The following NUMA1 variants were observed in gnomAD, a reference collection of about 807,000 sequenced individuals.
The protein encoded by NUMA1 is SP-H antigen.
NUMA1 carries 62 observed loss-of-function variants against 237.1 expected under a neutral mutation model. The observed-to-expected ratio is 0.26, with a 90% CI of 0.21 to 0.32. The LOEUF (loss-of-function observed/expected upper bound fraction) is 0.32. Among genes scored for constraint, NUMA1 ranks in the 10% least tolerant of loss-of-function variants. The probability of loss-of-function intolerance (pLI) is 1.00; values close to 1 mark genes in which losing one functional copy is unlikely to be tolerated. For synonymous variants in NUMA1, 1,028 were observed against 1,066.1 expected, an observed-to-expected ratio of 0.96 and a Z score of 0.70; for missense variants, 2,533 against 2,666.5, an observed-to-expected ratio of 0.95 and a Z score of 1.10.
At chr11:72,060,824 ATTTTG>A (rs2136156864) in intron 2 of NUMA1, among the ~76,000 whole-genome samples, 1 of 152,318 alleles carries the variant, frequency 6.6e-6, no homozygotes, top group East Asian at 1.9e-4. Context: ...TAATCCCAGC[ATTTTG>A]GGAGGCCGAG....
At chr11:72,056,655 A>AAAAAAAAAAAAAAAAAAAAAAC in intron 2 of NUMA1, among the ~76,000 whole-genome samples, 1 of 129,072 alleles carries the variant, frequency 7.7e-6, no homozygotes, top group Non-Finnish European at 1.7e-5. Flanking sequence ...AAAAAAAAAA[A>AAAAAAAAAAAAAAAAAAAAAAC]AAAAAGGCAA....
Position 72,014,047 on chromosome 11 carries a change from A to C in NUMA1, c.3456T>G (p.Ala1152=), listed in dbSNP as rs1197442624. 6.2e-7 allele frequency: 1 copy of C among 1,610,914 alleles called. No homozygotes were observed. ...CCCGCTCAGCCCGGGAGGCCCGCTC[A>C]GCCTCGAGGCTGCGTTCCAGGCTGT... ...QADSLERSLE[A]ERASRAERDS... Residue 1152 remains alanine, a synonymous_variant, in exon 15 of 27, where the codon GCT becomes GCG. Coordinates refer to ENST00000393695, the MANE Select transcript of NUMA1 (RefSeq NM_006185.4). The surrounding 1 kb of genome is among the most constrained non-coding windows in gnomAD (Gnocchi z 4.6).
Position 72,007,358 on chromosome 11 carries a change from G to T in NUMA1, c.5294C>A (p.Pro1765His), listed in dbSNP as rs780948667. 15 of 1,613,632 alleles carry T rather than the reference G, an allele frequency of 9.3e-6. 1 individual carries two copies. The highest frequency in any genetic ancestry group is 8.8e-5 in the South Asian group (8 of 91,070). The change falls in exon 21 of 27, where the codon CCC (proline) becomes CAC (histidine). Residue 1765 changes from proline to histidine, a missense_variant. By Grantham distance (77) the Pro-to-His change is moderately conservative (BLOSUM62 -2). Around this residue, in one of 3 missense-constraint regions of NUMA1, gnomAD observed 795 missense variants for 750.8 expected, o/e 1.06. Coordinates refer to ENST00000393695, the MANE Select transcript of NUMA1 (RefSeq NM_006185.4). ...GAGACTCTCCAGGGATTCTACCTTGGGGGGCAGGCGCTGGGAGATAGGTGA... is the reference window on the plus strand; with the variant it reads ...GAGACTCTCCAGGGATTCTACCTTGTGGGGCAGGCGCTGGGAGATAGGTGA... ...PASPISQRLP[P>H]KVESLESLYF... is the part of the protein sequence containing the mutation.
Position 72,014,178 on chromosome 11 carries a change from A to G in NUMA1, c.3325T>C (p.Ser1109Pro). 6.2e-7 allele frequency: 1 copy of G among 1,613,828 alleles called. No homozygotes were observed. The highest frequency in any genetic ancestry group is 1.1e-5 in the South Asian group (1 of 91,082). ...GGCTCTGTCCTGCCAGCAGCCTCAG[A>G]TTGGGCTCCTGAGCCAGATGCGTGC... ...KEHASGSGAQ[S>P]EAAGRTEPTG... The change falls in exon 15 of 27, where the codon TCT becomes CCT. Residue 1109 changes from serine to proline, a missense_variant. By Grantham distance (74) the Ser-to-Pro change is moderately conservative. This residue lies in a region of NUMA1 where 1,414 missense variants were observed against 1,508.1 expected (regional missense o/e 0.94). Transcript: ENST00000393695. The surrounding 1 kb of genome is among the most constrained non-coding windows in gnomAD (Gnocchi z 4.6).
chr11:72,054,638 G>C (rs1432053859), intron 2 of NUMA1, among the ~76,000 whole-genome samples: 1 of 152,120 alleles, frequency 6.6e-6, no homozygotes, highest in East Asian at 1.9e-4. Flanking sequence ...CTAATAAGTA[G>C]CAGAATTAAG....
At chr11:72,065,924 G>A (rs1943175495) in intron 2 of NUMA1, 1 of 152,226 alleles carries the variant, frequency 6.6e-6, no homozygotes, top group South Asian at 2.1e-4. Flanking sequence ...TCTCAAACAT[G>A]AGATGCCTGA....
intron 20 of NUMA1, 123 bp downstream of exon 20, chr11:72,008,565 C>T (rs757629660): frequency 1.3e-5 from 15 of 1,133,684 alleles, no homozygotes; most frequent in Admixed American, 7.7e-5. Flanking sequence ...GTATAATACC[C>T]GTTTTTCGTT....
At position 72,003,297 on chromosome 11, in the gene NUMA1, A is replaced by T. The variant is rs1955386103; in HGVS notation, c.*230T>A. ...GCTTTAAGAAAAAAGGAGGCAAGGT[A>T]GGGAGAGCGCCCACACTGTCCATGC... On this transcript the variant is annotated 3_prime_UTR_variant, in exon 27 of 27. Transcript: ENST00000393695. The T allele has an allele frequency of 3.6e-6, 2 of 561,168 alleles. No homozygotes were observed. The highest frequency in any genetic ancestry group is 3.1e-5 in the Admixed American group (1 of 32,092). 34.8% of individuals were successfully genotyped at this position (561,168 alleles called of 1,614,324 possible).
intron 3 of NUMA1, among the ~76,000 whole-genome samples, chr11:72,035,382 T>C (rs1940888699): frequency 6.6e-6 from 1 of 151,798 alleles, no homozygotes; most frequent in African/African-American, 2.4e-5. Flanking sequence ...TGTTGATCAT[T>C]AAGGTCAGCA....
chr11:72,058,966 A>C (rs1196898211), intron 2 of NUMA1, among the ~76,000 whole-genome samples: 1 of 152,214 alleles, frequency 6.6e-6, no homozygotes, highest in Non-Finnish European at 1.5e-5. Context: ...GAAGGAATAC[A>C]TTATCACTGT....
At chr11:72,021,161 A>G (rs760118650) in intron 8 of NUMA1, 43 bp downstream of exon 8, 2 of 1,472,214 alleles carry the variant, frequency 1.4e-6, no homozygotes, top group African/African-American at 1.4e-5. Flanking sequence ...AGTATTCCCC[A>G]TTTCAGAGAT....
intron 4 of NUMA1, among the ~76,000 whole-genome samples, chr11:72,027,392 T>A (rs765288784): frequency 1.2e-4 from 18 of 151,456 alleles, no homozygotes; most frequent in Admixed American, 2.0e-4. Context: ...TTACAGGTGG[T>A]ACACAACCCC....
At chr11:72,003,737 GGA>G (rs1955437122) in intron 26 of NUMA1, 148 bp downstream of exon 26, 4 of 1,010,506 alleles carry the variant, frequency 4.0e-6, no homozygotes, top group Admixed American at 2.2e-5. Flanking sequence ...TTCTCTCCTT[GGA>G]GAGGAGCTAC....
intron 3 of NUMA1, among the ~76,000 whole-genome samples, chr11:72,030,268 C>T (rs116600961): frequency 0.023 from 3,449 of 148,120 alleles, 130 homozygotes; most frequent in African/African-American, 0.082. Flanking sequence ...CCAGGGAGGT[C>T]GAGGCTGCAG....
intron 2 of NUMA1, among the ~76,000 whole-genome samples, chr11:72,061,114 G>A (rs35422431): frequency 0.023 from 3,521 of 152,308 alleles, 62 homozygotes; most frequent in Middle Eastern, 0.037. Context: ...CTGTGTGCCT[G>A]TAGTTCCAGC....
intron 2 of NUMA1, among the ~76,000 whole-genome samples, chr11:72,044,627 A>G (rs1941888484): frequency 6.7e-6 from 1 of 148,580 alleles, no homozygotes; most frequent in African/African-American, 2.5e-5. Context: ...GTTAGATTGT[A>G]GGGAACATTC....
At position 72,015,315 on chromosome 11, in the gene NUMA1, C is replaced by G. The variant is rs751886649; in HGVS notation, c.2188G>C (p.Glu730Gln). 14 of 1,613,460 alleles carry G rather than the reference C, an allele frequency of 8.7e-6. No homozygotes were observed. In the Admixed American group the frequency reaches 1.3e-4, roughly 15 times the overall value. The part of the protein sequence containing the change: ...EEKRRAADAL[E>Q]EQQRCISELK... Reference sequence around the variant, plus strand: ...TCAGAGATACAACGCTGCTGCTCTTCCAGGGCATCTGCAGCCCTGCGCTTC... The same window carrying G: ...TCAGAGATACAACGCTGCTGCTCTTGCAGGGCATCTGCAGCCCTGCGCTTC... Residue 730 changes from glutamate to glutamine, a missense_variant, in exon 15 of 27, where the codon GAA (glutamate) becomes CAA (glutamine). Around this residue, in one of 3 missense-constraint regions of NUMA1, gnomAD observed 1,414 missense variants for 1,508.1 expected, o/e 0.94. Coordinates refer to ENST00000393695, the MANE Select transcript of NUMA1 (RefSeq NM_006185.4). This position sits in a 1 kb window ranked among gnomAD's most constrained non-coding sequence, Gnocchi z 4.0.
In NUMA1 at chr11:72,005,256, T is replaced by C. The variant is rs1240527438; in HGVS notation, c.5806A>G (p.Thr1936Ala). Residue 1936 changes from threonine to alanine, a missense_variant, in exon 23 of 27, where the codon ACC becomes GCC. Thr to Ala is a moderately conservative substitution (Grantham distance 58). Transcript: ENST00000393695. Reference protein sequence around the residue: ...RNRVCPPHLKTCYPLESRPSL... With the variant: ...RNRVCPPHLKACYPLESRPSL... The stretch of plus-strand genomic sequence containing the variant: ...ACCCTGGACTCCAGGGGATAGCAGG[T>C]CTTCAGATGTGGGGGGCACACTCGA... 1.2e-6 allele frequency: 2 copies of C among 1,602,326 alleles called. No individual in the cohort carries two copies. The highest frequency in any genetic ancestry group is 1.7e-6 in the Non-Finnish European group (2 of 1,175,160).
chr11:72,014,415 G>T lies in NUMA1; in HGVS notation c.3088C>A (p.Leu1030Ile), dbSNP rs1279029669. ...AGGGCGTTCTGCAGCCGCATCTCAA[G>T]CTCTGCTCTGGCCGCCTTCTCCAGG... is the stretch of plus-strand genomic sequence containing the variant. Reference protein sequence around the residue: ...LALEKAARAELEMRLQNALNE... With the variant: ...LALEKAARAEIEMRLQNALNE... Residue 1030 changes from leucine (L) to isoleucine (I), a missense_variant, in exon 15 of 27, where the codon CTT becomes ATT. Transcript: ENST00000393695. This position sits in a 1 kb window ranked among gnomAD's most constrained non-coding sequence, Gnocchi z 4.6. The T allele has an allele frequency of 5.0e-6, 8 of 1,609,404 alleles. No individual in the cohort carries two copies. Among genetic ancestry groups the T allele is most frequent in the Non-Finnish European group, 5.9e-6 (7 of 1,180,018 alleles).
Sources: gnomAD v4.1 joint callset for allele counts (sites outside exome capture counted in the v4.1 genomes callset) on GRCh38, gnomAD v4.1.1 for gene constraint, gnomAD v4.1.1 regional missense constraint, Gnocchi (gnomAD v3.1) non-coding constraint, MANE v1.5 for transcripts, NCBI Gene and HGNC (gene_info 2026-07-23, HGNC 2026-07-21) for gene names.